SLC36A1: variants seen among roughly 807,000 people sequenced by gnomAD.
The protein encoded by SLC36A1 is proton-coupled amino acid transporter 1.
Under a neutral mutation model 47.5 loss-of-function variants are expected in SLC36A1, and 30 were observed. The observed-to-expected ratio is 0.63, with a 90% confidence interval of 0.47 to 0.86. The LOEUF (loss-of-function observed/expected upper bound fraction) is 0.86, where lower values mean the gene tolerates loss of function less well. SLC36A1 is among the 40% of genes least tolerant of loss of function. The pLI is 0.00. For synonymous variants in SLC36A1, 255 were observed against 249.7 expected, an observed-to-expected ratio of 1.02 and a Z score of -0.20; for missense variants, 517 against 606.0, an observed-to-expected ratio of 0.85 and a Z score of 1.54.
At chr5:151,436,554 G>A (rs540306775), upstream of SLC36A1, among the ~76,000 whole-genome samples, 10 of 151,890 alleles carry the variant, frequency 6.6e-5, no homozygotes, top group African/African-American at 2.2e-4. Context: ...TATGTGAGTG[G>A]TCACAGGAGA....
At chr5:151,550,515 G>T in the SLC36A1 span, 2 of 1,508,504 alleles carry the variant, frequency 1.3e-6, no homozygotes, top group Non-Finnish European at 1.8e-6. Flanking sequence ...GGGACCTTCA[G>T]CATGTCTCCA....
the SLC36A1 span, among the ~76,000 whole-genome samples, chr5:151,421,977 A>G: frequency 6.6e-6 from 1 of 152,244 alleles, no homozygotes; most frequent in Non-Finnish European, 1.5e-5. Context: ...TGTGATGGAA[A>G]CTGCAGGAAA....
chr5:151,445,516 C>T (rs1752865301), upstream of SLC36A1, among the ~76,000 whole-genome samples: 1 of 152,222 alleles, frequency 6.6e-6, no homozygotes, highest in Non-Finnish European at 1.5e-5. Flanking sequence ...GAAGTATTCC[C>T]TCTAGCTCCA....
At chr5:151,381,699 G>T in the SLC36A1 span, among the ~76,000 whole-genome samples, 2 of 151,974 alleles carry the variant, frequency 1.3e-5, no homozygotes, top group African/African-American at 4.8e-5. Flanking sequence ...CTGATCTTGT[G>T]GCCCCCACCC....
the SLC36A1 span, among the ~76,000 whole-genome samples, chr5:151,550,437 G>A: frequency 6.6e-6 from 1 of 152,174 alleles, no homozygotes; most frequent in Non-Finnish European, 1.5e-5. Context: ...ATCCCTTATG[G>A]AAGGTGCCCT....
the SLC36A1 span, among the ~76,000 whole-genome samples, chr5:151,404,884 T>G: frequency 6.6e-6 from 1 of 152,212 alleles, no homozygotes; most frequent in Non-Finnish European, 1.5e-5. Flanking sequence ...CTGTGTGTCT[T>G]GTATAGTATC....
chr5:151,359,830 C>G, the SLC36A1 span, among the ~76,000 whole-genome samples: 1 of 152,208 alleles, frequency 6.6e-6, no homozygotes, highest in Non-Finnish European at 1.5e-5. Context: ...TGAGGTTCAT[C>G]CATGCTGTAG....
the SLC36A1 span, chr5:151,544,473 A>C: frequency 6.2e-7 from 1 of 1,614,150 alleles, no homozygotes; most frequent in East Asian, 2.2e-5. Context: ...TCTTGAAGTC[A>C]GTGGTGAACA....
chr5:151,518,338 G>A, the SLC36A1 span, among the ~76,000 whole-genome samples: 1 of 121,118 alleles, frequency 8.3e-6, no homozygotes, highest in East Asian at 2.6e-4. Flanking sequence ...GACAGAGAGA[G>A]ACCATGTCTC....
intron 1 of SLC36A1, among the ~76,000 whole-genome samples, chr5:151,453,016 A>G (rs889812752): frequency 7.2e-5 from 11 of 152,098 alleles, no homozygotes; most frequent in African/African-American, 2.7e-4. Context: ...AGCCTGGCCA[A>G]CATGATGAAA....
intron 1 of SLC36A1, among the ~76,000 whole-genome samples, chr5:151,448,168 G>T (rs1391573871): frequency 6.6e-6 from 1 of 152,174 alleles, no homozygotes; most frequent in Non-Finnish European, 1.5e-5. Context: ...CTGGGAAGTC[G>T]TCTGGTGCAG....
the SLC36A1 span, among the ~76,000 whole-genome samples, chr5:151,421,286 G>C: frequency 6.7e-6 from 1 of 149,112 alleles, no homozygotes; most frequent in Admixed American, 6.7e-5. Flanking sequence ...CTGTTGCCCA[G>C]GCTGGAGTGT....
intron 3 of SLC36A1, among the ~76,000 whole-genome samples, 200 bp from the exon 4 acceptor site, chr5:151,464,314 G>A (rs566910669): frequency 1.7e-4 from 26 of 152,330 alleles, no homozygotes; most frequent in African/African-American, 6.0e-4. Context: ...TCTCGAAAAT[G>A]TGCTAAAGTT....
the SLC36A1 span, chr5:151,531,979 G>A: frequency 6.2e-7 from 1 of 1,613,676 alleles, no homozygotes; most frequent in South Asian, 1.1e-5. This position sits in a 1 kb window ranked among gnomAD's most constrained non-coding sequence, Gnocchi z 5.7. Flanking sequence ...GCCTGGCAGG[G>A]AGACCAAGGG....
intron 7 of SLC36A1, 55 bp from the exon 8 acceptor site, chr5:151,473,618 A>C: frequency 8.5e-7 from 1 of 1,181,558 alleles, no homozygotes; most frequent in Non-Finnish European, 1.3e-6. Context: ...TCAAATCTTG[A>C]ATTTCTGTAT....
At chr5:151,363,419 T>C in the SLC36A1 span, among the ~76,000 whole-genome samples, 2 of 152,084 alleles carry the variant, frequency 1.3e-5, no homozygotes, top group African/African-American at 4.8e-5. Context: ...CTTGATGGCT[T>C]TTCACTTCTC....
At chr5:151,356,303 A>C in the SLC36A1 span, among the ~76,000 whole-genome samples, 5 of 139,174 alleles carry the variant, frequency 3.6e-5, no homozygotes, top group African/African-American at 1.4e-4. Flanking sequence ...ACGCCACTGC[A>C]CTCCAGCCTA....
At chr5:151,480,674 G>A (rs1758676039) in intron 10 of SLC36A1, among the ~76,000 whole-genome samples, 1 of 152,174 alleles carries the variant, frequency 6.6e-6, no homozygotes, top group African/African-American at 2.4e-5. Flanking sequence ...GGGATGCTTG[G>A]ACTGTAAATT....
chr5:151,501,621 A>T, the SLC36A1 span, among the ~76,000 whole-genome samples: 1 of 148,250 alleles, frequency 6.7e-6, no homozygotes, highest in East Asian at 1.9e-4. Flanking sequence ...TTTATTGTTT[A>T]TGCTTTAATA....
Sources: allele counts gnomAD v4.1 joint callset (sites outside exome capture counted in the v4.1 genomes callset), GRCh38; gene constraint gnomAD v4.1.1; non-coding constraint Gnocchi (gnomAD v3.1); transcripts MANE v1.5; gene names NCBI Gene and HGNC (gene_info 2026-07-23, HGNC 2026-07-21).